TEX36: variants seen among roughly 807,000 people sequenced by gnomAD.
The protein encoded by TEX36 is testis-expressed protein 36.
TEX36 carries 12 observed loss-of-function variants against 13.6 expected under a neutral mutation model. The observed-to-expected ratio is 0.88, with a 90% CI of 0.56 to 1.43. TEX36 has a LOEUF of 1.43. TEX36 is among the 40% of genes most tolerant of loss of function. The pLI is 0.00. For synonymous variants in TEX36, 93 were observed against 83.0 expected, an observed-to-expected ratio of 1.12 and a Z score of -0.65; for missense variants, 224 against 228.3, an observed-to-expected ratio of 0.98 and a Z score of 0.12.
intron 1 of TEX36, among the ~76,000 whole-genome samples, chr10:125,680,460 G>T (rs762723540): frequency 6.6e-6 from 1 of 152,144 alleles, no homozygotes; most frequent in African/African-American, 2.4e-5. Flanking sequence ...TATTGTAACC[G>T]TGAAATACAG....
intron 3 of TEX36, among the ~76,000 whole-genome samples, chr10:125,636,945 C>A (rs1001681762): frequency 6.6e-6 from 1 of 151,984 alleles, no homozygotes; most frequent in Non-Finnish European, 1.5e-5. Context: ...TCCCCCAGGC[C>A]CCAGGTCACC....
At chr10:125,586,952 GC>G (rs1246810240) in intron 3 of TEX36, among the ~76,000 whole-genome samples, 1 of 152,080 alleles carries the variant, frequency 6.6e-6, no homozygotes, top group Admixed American at 6.5e-5. Flanking sequence ...TCCCCCTAGT[GC>G]TGTTTTGTGA....
chr10:125,590,640 TACTG>T (rs1430038167), intron 3 of TEX36, among the ~76,000 whole-genome samples: 3 of 152,186 alleles, frequency 2.0e-5, no homozygotes, highest in Admixed American at 6.5e-5. Context: ...GTCAATAATG[TACTG>T]ACTTAGTGAG....
At chr10:125,594,106 G>A (rs1382224949) in intron 3 of TEX36, among the ~76,000 whole-genome samples, 1 of 152,126 alleles carries the variant, frequency 6.6e-6, no homozygotes, top group East Asian at 1.9e-4. Flanking sequence ...GACGTAGAAG[G>A]ACCCAGCTGC....
At chr10:125,642,867 G>T (rs1031233467) in intron 3 of TEX36, among the ~76,000 whole-genome samples, 1 of 152,046 alleles carries the variant, frequency 6.6e-6, no homozygotes, top group African/African-American at 2.4e-5. Context: ...TTGGTTGGTT[G>T]GTTTTTCCAC....
intron 3 of TEX36, among the ~76,000 whole-genome samples, chr10:125,611,689 T>C (rs541282863): frequency 3.3e-5 from 5 of 152,308 alleles, no homozygotes; most frequent in African/African-American, 1.2e-4. Context: ...ATATGGTGTT[T>C]TTTTTTCAAT....
chr10:125,596,504 TC>T (rs1670585056), intron 3 of TEX36, among the ~76,000 whole-genome samples: 1 of 152,218 alleles, frequency 6.6e-6, no homozygotes, highest in African/African-American at 2.4e-5. Context: ...AAATGGATTC[TC>T]TCCTAGAGCC....
intron 3 of TEX36, among the ~76,000 whole-genome samples, chr10:125,636,155 G>T (rs545446284): frequency 6.6e-6 from 1 of 151,604 alleles, no homozygotes; most frequent in African/African-American, 2.4e-5. Flanking sequence ...GATTATAGGC[G>T]TGAGTCACCA....
chr10:125,647,495 G>A (rs566050560), intron 3 of TEX36, among the ~76,000 whole-genome samples: 36 of 152,210 alleles, frequency 2.4e-4, no homozygotes, highest in Admixed American at 2.2e-3. Context: ...TAAGCAAAGA[G>A]GAACAAAAAA....
chr10:125,631,598 A>C (rs1187313206), intron 3 of TEX36, among the ~76,000 whole-genome samples: 2 of 152,158 alleles, frequency 1.3e-5, no homozygotes, highest in African/African-American at 4.8e-5. Context: ...CAGCGTTGGG[A>C]TGTGTGAGGA....
At chr10:125,579,116 A>C (rs1019507202) in intron 3 of TEX36, among the ~76,000 whole-genome samples, 7 of 152,126 alleles carry the variant, frequency 4.6e-5, no homozygotes, top group Admixed American at 2.0e-4. Flanking sequence ...CTTCTGCTTT[A>C]CTTCATTTCT....
In TEX36 at chr10:125,583,707, C is replaced by T. The variant is rs182653634; in HGVS notation, c.265-6833G>A. On this transcript the variant is annotated intron_variant, in intron 3 of 3. Transcript: ENST00000532135. ...GTAATACTTTTAAAATGTTTTCCTT[C>T]AAGTCCAAATAGAATCTTGAGTCTG... 5.9e-5 allele frequency among the ~76,000 whole-genome samples: 9 copies of T among 152,284 alleles called. No individual in the cohort carries two copies. The East Asian group carries it at 1.2e-3, about 20-fold the overall frequency.
rs932279925 is a variant in TEX36, at chr10:125,662,113, G to T, written c.52-136C>A. ...ATGCAATGGAAATGGCATAATTTTT[G>T]TAATTTTCAAGTATTCTTTCCAAGA... On this transcript the variant is annotated intron_variant, in intron 1 of 3. Transcript: ENST00000368821. 9 of 1,203,596 alleles carry T rather than the reference G, an allele frequency of 7.5e-6. No homozygotes were observed. The African/African-American group carries it at 1.4e-4, about 19-fold the overall frequency. The allele number at this position is 1,203,596 out of a possible 1,614,324, so 74.6% of individuals were successfully genotyped here.
intron 3 of TEX36, among the ~76,000 whole-genome samples, chr10:125,615,377 A>G (rs1208435795): frequency 2.2e-4 from 33 of 151,994 alleles, no homozygotes; most frequent in African/African-American, 5.1e-4. Flanking sequence ...CAAAGGGAAT[A>G]CTTCCAGTTT....
chr10:125,605,018 T>C (rs1237316575), intron 3 of TEX36, among the ~76,000 whole-genome samples: 1 of 152,160 alleles, frequency 6.6e-6, no homozygotes, highest in Non-Finnish European at 1.5e-5. Flanking sequence ...GCTTGAATCA[T>C]CTGGAAACAA....
chr10:125,580,674 G>A (rs542564203), intron 3 of TEX36, among the ~76,000 whole-genome samples: 18 of 152,308 alleles, frequency 1.2e-4, no homozygotes, highest in African/African-American at 4.1e-4. Context: ...CCTGGTCAAA[G>A]TCCAATGACC....
chr10:125,654,581 C>T (rs1846911722), downstream of TEX36, among the ~76,000 whole-genome samples: 1 of 151,780 alleles, frequency 6.6e-6, no homozygotes, highest in African/African-American at 2.4e-5. Flanking sequence ...AATTCATGTA[C>T]AGAAAAAAAT....
At chr10:125,637,929 C>A (rs116118283) in intron 3 of TEX36, among the ~76,000 whole-genome samples, 1 of 151,948 alleles carries the variant, frequency 6.6e-6, no homozygotes, top group Non-Finnish European at 1.5e-5. Context: ...TCCAGACCAC[C>A]CCCCTGCTGC....
chr10:125,592,667 T>A (rs1846035347), intron 3 of TEX36, among the ~76,000 whole-genome samples: 1 of 152,058 alleles, frequency 6.6e-6, no homozygotes, highest in Admixed American at 6.6e-5. Context: ...AAGGGCTCAG[T>A]CCTACAGCAC....
Sources: gnomAD v4.1 joint callset for allele counts (sites outside exome capture counted in the v4.1 genomes callset) on GRCh38, gnomAD v4.1.1 for gene constraint, MANE v1.5 for transcripts, NCBI Gene and HGNC (gene_info 2026-07-23, HGNC 2026-07-21) for gene names.